The following CCSER1 variants were observed in gnomAD, a reference collection of about 807,000 sequenced individuals.
CCSER1 encodes the protein serine-rich coiled-coil domain-containing protein 1.
In CCSER1, 41 loss-of-function variants were observed where a neutral mutation model predicts 82.0. The observed-to-expected ratio is 0.50, with a 90% CI of 0.39 to 0.65. CCSER1 has a LOEUF of 0.65. Among genes scored for constraint, CCSER1 ranks in the 30% least tolerant of loss-of-function variants. The probability of loss-of-function intolerance (pLI) is 0.00; values close to 1 mark genes in which losing one functional copy is unlikely to be tolerated. For synonymous variants in CCSER1, 414 were observed against 383.9 expected, an observed-to-expected ratio of 1.08 and a Z score of -0.92; for missense variants, 1,119 against 1,064.2, an observed-to-expected ratio of 1.05 and a Z score of -0.72.
At chr4:91,271,122 T>C (rs1490587018) in intron 10 of CCSER1, among the ~76,000 whole-genome samples, 1 of 152,178 alleles carries the variant, frequency 6.6e-6, no homozygotes, top group African/African-American at 2.4e-5. Flanking sequence ...ATAGATTTTT[T>C]AAAATCAATA....
chr4:90,527,689 G>C (rs573919948), intron 5 of CCSER1, among the ~76,000 whole-genome samples: 103 of 152,104 alleles, frequency 6.8e-4, no homozygotes, highest in African/African-American at 2.2e-3. Context: ...TTTCCAGAAA[G>C]TATATAATTT....
At chr4:90,989,705 T>C (rs927492097) in intron 9 of CCSER1, among the ~76,000 whole-genome samples, 1 of 151,768 alleles carries the variant, frequency 6.6e-6, no homozygotes, top group Non-Finnish European at 1.5e-5. Context: ...CATTCTGAAA[T>C]TTATTTTTGA....
chr4:90,227,352 A>G (rs779863609), intron 1 of CCSER1, among the ~76,000 whole-genome samples: 1 of 152,242 alleles, frequency 6.6e-6, no homozygotes, highest in Non-Finnish European at 1.5e-5. Context: ...CACCAACTTT[A>G]TACTTTGGGA....
At chr4:90,756,509 C>T (rs953799002) in intron 7 of CCSER1, among the ~76,000 whole-genome samples, 1 of 152,072 alleles carries the variant, frequency 6.6e-6, no homozygotes, top group Non-Finnish European at 1.5e-5. Context: ...AGTCTTTCTT[C>T]GGTGTCTTAG....
chr4:91,192,472 C>G (rs1413457995), intron 10 of CCSER1, among the ~76,000 whole-genome samples: 1 of 152,148 alleles, frequency 6.6e-6, no homozygotes, highest in Non-Finnish European at 1.5e-5. Flanking sequence ...TCCACCCTAC[C>G]TGCTCCACCT....
chr4:90,878,948 A>G (rs908127816), intron 8 of CCSER1, among the ~76,000 whole-genome samples: 1 of 152,226 alleles, frequency 6.6e-6, no homozygotes, highest in Non-Finnish European at 1.5e-5. Flanking sequence ...TTTTTTGAAC[A>G]GAAATGTCCA....
intron 3 of CCSER1, among the ~76,000 whole-genome samples, chr4:90,369,962 C>A (rs1312032705): frequency 6.6e-6 from 1 of 151,926 alleles, no homozygotes; most frequent in Admixed American, 6.6e-5. Context: ...TCTTTTATGT[C>A]GTTAATTTTT....
chr4:91,524,878 C>T (rs1273482098), intron 10 of CCSER1, among the ~76,000 whole-genome samples: 1 of 152,106 alleles, frequency 6.6e-6, no homozygotes, highest in East Asian at 1.9e-4. Flanking sequence ...TCACATAGGA[C>T]ATAGTATTTC....
chr4:91,490,702 C>T (rs1446505489), intron 10 of CCSER1, among the ~76,000 whole-genome samples: 2 of 148,692 alleles, frequency 1.3e-5, no homozygotes, highest in Non-Finnish European at 3.0e-5. Flanking sequence ...CTACACTTAA[C>T]AGTGTGACTA....
At chr4:90,323,108 T>A (rs1305886209) in intron 3 of CCSER1, among the ~76,000 whole-genome samples, 2 of 152,148 alleles carry the variant, frequency 1.3e-5, no homozygotes, top group Admixed American at 6.5e-5. Context: ...GTGCTTCATT[T>A]TAATGTAGCT....
chr4:91,545,676 G>C (rs1320409421), intron 10 of CCSER1, among the ~76,000 whole-genome samples: 2 of 151,808 alleles, frequency 1.3e-5, no homozygotes, highest in African/African-American at 4.9e-5. Flanking sequence ...GATCCAGAAG[G>C]GCTTCTTTTG....
intron 7 of CCSER1, among the ~76,000 whole-genome samples, chr4:90,815,518 G>GTGTGTGGA (rs1296683395): frequency 8.1e-6 from 1 of 123,554 alleles, no homozygotes; most frequent in Non-Finnish European, 1.8e-5. Context: ...AAACATATGT[G>GTGTGTGGA]TGTGTGGATG....
intron 10 of CCSER1, among the ~76,000 whole-genome samples, chr4:91,353,812 A>G (rs539559011): frequency 1.3e-5 from 2 of 152,254 alleles, no homozygotes; most frequent in African/African-American, 4.8e-5. Context: ...TATTACTATG[A>G]TTACTTTTAT....
At chr4:91,588,140 A>T (rs1560783835) in intron 10 of CCSER1, among the ~76,000 whole-genome samples, 1 of 151,396 alleles carries the variant, frequency 6.6e-6, no homozygotes, top group African/African-American at 2.4e-5. Context: ...TTTAAGGATG[A>T]CTAACTTTGA....
At chr4:90,793,683 C>A (rs1755587738) in intron 7 of CCSER1, among the ~76,000 whole-genome samples, 1 of 152,030 alleles carries the variant, frequency 6.6e-6, no homozygotes, top group African/African-American at 2.4e-5. Flanking sequence ...GAATATATAC[C>A]CAGGAATGGG....
At chr4:91,205,695 C>T (rs928075532) in intron 10 of CCSER1, among the ~76,000 whole-genome samples, 1 of 151,216 alleles carries the variant, frequency 6.6e-6, no homozygotes, top group African/African-American at 2.4e-5. Context: ...TTCTTTCCTC[C>T]TTCCCTTCCT....
intron 9 of CCSER1, among the ~76,000 whole-genome samples, chr4:90,924,527 A>G (rs1359696769): frequency 6.6e-6 from 1 of 152,204 alleles, no homozygotes; most frequent in African/African-American, 2.4e-5. Flanking sequence ...TATTTACTCT[A>G]GATATCTAAA....
intron 3 of CCSER1, among the ~76,000 whole-genome samples, chr4:90,392,365 A>G (rs967414764): frequency 2.0e-5 from 3 of 152,078 alleles, no homozygotes; most frequent in African/African-American, 7.2e-5. Flanking sequence ...ATCCATATAA[A>G]TATTAGCTTT....
chr4:90,572,608 A>G (rs1292281503), intron 5 of CCSER1, among the ~76,000 whole-genome samples: 4 of 151,730 alleles, frequency 2.6e-5, no homozygotes, highest in Non-Finnish European at 5.9e-5. Context: ...TGTTGGATCA[A>G]TTCTGCTCTT....
Sources: gnomAD v4.1 joint callset for allele counts (sites outside exome capture counted in the v4.1 genomes callset) on GRCh38, gnomAD v4.1.1 for gene constraint, MANE v1.5 for transcripts, NCBI Gene and HGNC (gene_info 2026-07-23, HGNC 2026-07-21) for gene names.